ABCG4: variants seen among roughly 807,000 people sequenced by gnomAD.
ABCG4 encodes ATP binding cassette subfamily G member 4.
A neutral mutation model predicts 64.6 loss-of-function variants in ABCG4; 35 were observed. The ratio of observed to expected loss-of-function variants is 0.54; its 90% CI spans 0.41 to 0.72. The LOEUF is 0.72. ABCG4 is among the 30% of genes least tolerant of loss of function. The probability of loss-of-function intolerance (pLI) is 0.00; values close to 1 mark genes in which losing one functional copy is unlikely to be tolerated. For missense variants in ABCG4, 610 were observed against 846.3 expected, an observed-to-expected ratio of 0.72 and a Z score of 3.46; for synonymous variants, 326 against 348.2, an observed-to-expected ratio of 0.94 and a Z score of 0.71.
At chr11:119,159,237 A>G (rs1368556067) in intron 12 of ABCG4, among the ~76,000 whole-genome samples, 1 of 152,262 alleles carries the variant, frequency 6.6e-6, no homozygotes, top group Non-Finnish European at 1.5e-5. Flanking sequence ...CTGTAATCCC[A>G]GCACTTTGGG....
In ABCG4 at chr11:119,161,009, A is replaced by G; in HGVS notation, c.1844A>G (p.Lys615Arg). The change falls in exon 15 of 15, where the codon AAG (lysine) becomes AGG (arginine). Residue 615 changes from lysine to arginine, a missense_variant. Coordinates refer to ENST00000619701, the MANE Select transcript of ABCG4 (RefSeq NM_022169.5). ...CGAGCGCTGGATGTGGAGGATGCCA[A>G]GCTCTACATGGACTTCCTGGTCTTG... Reference protein sequence around the residue: ...ILRALDVEDAKLYMDFLVLGI... With the variant: ...ILRALDVEDARLYMDFLVLGI... 1 of 1,614,080 alleles carries G rather than the reference A, an allele frequency of 6.2e-7. No homozygotes were observed. The highest frequency in any genetic ancestry group is 8.5e-7 in the Non-Finnish European group (1 of 1,179,976).
intron 9 of ABCG4, among the ~76,000 whole-genome samples, chr11:119,157,257 A>G (rs999810936): frequency 4.6e-5 from 7 of 152,242 alleles, no homozygotes; most frequent in African/African-American, 1.4e-4. Flanking sequence ...TTGAGCAGCT[A>G]CAGTGTGCTG....
In ABCG4 at chr11:119,158,388, T is replaced by C; in HGVS notation, c.1167+56T>C. The C allele has an allele frequency of 1.3e-6, 2 of 1,589,874 alleles. No individual in the cohort carries two copies. The highest frequency in any genetic ancestry group is 1.7e-6 in the Non-Finnish European group (2 of 1,158,936). ...GGCACAGGCCTGACCTTTTGGGCTG[T>C]AGGATCCCAGCAGCTGAAATGGGAA... is the stretch of plus-strand genomic sequence containing the variant. On this transcript the variant is annotated intron_variant, in intron 10 of 14. Transcript: ENST00000619701. This position sits in a 1 kb window ranked among gnomAD's most constrained non-coding sequence, Gnocchi z 4.5.
In ABCG4 at chr11:119,160,935, G is replaced by A; in HGVS notation, c.1770G>A (p.Leu590=). The A allele has an allele frequency of 1.9e-6, 3 of 1,614,076 alleles. No homozygotes were observed. Among genetic ancestry groups the A allele is most frequent in the Middle Eastern group, 1.6e-4 (1 of 6,062 alleles). ...TCTATGGCATGGAGCGAGGAGACCT[G>A]ACATGTTTAGAGGAACGCTGCCCGT... is the stretch of plus-strand genomic sequence containing the variant. ...LTIYGMERGD[L]TCLEERCPFR... The change falls in exon 15 of 15, where the codon CTG becomes CTA. Residue 590 remains leucine, a synonymous_variant. Coordinates refer to ENST00000619701, the MANE Select transcript of ABCG4 (RefSeq NM_022169.5). The surrounding 1 kb of genome is among the most constrained non-coding windows in gnomAD (Gnocchi z 4.6).
Position 119,161,501 on chromosome 11 carries a change from C to A in ABCG4, c.*395C>A. 1 of 175,006 alleles carries A rather than the reference C, an allele frequency of 5.7e-6. No individual in the cohort carries two copies. Among genetic ancestry groups the A allele is most frequent in the East Asian group, 1.6e-4 (1 of 6,424 alleles). The allele number at this position is 175,006 out of a possible 1,614,324, so 10.8% of individuals were successfully genotyped here. Reference sequence around the variant, plus strand: ...CAAAGTGGCCCCCTCTGGGGGTCCCCACCACACAAGTGTTTGTAAACTGGG... The same window carrying A: ...CAAAGTGGCCCCCTCTGGGGGTCCCAACCACACAAGTGTTTGTAAACTGGG... On this transcript the variant is annotated 3_prime_UTR_variant, in exon 15 of 15. Coordinates refer to ENST00000619701, the MANE Select transcript of ABCG4 (RefSeq NM_022169.5).
At chr11:119,159,062 G>A in intron 12 of ABCG4, 133 bp downstream of exon 12, 2 of 845,806 alleles carry the variant, frequency 2.4e-6, no homozygotes, top group African/African-American at 1.7e-5. Context: ...AATAGATGGT[G>A]AGTACCTGTC....
rs867332222 is a variant in ABCG4, at chr11:119,160,612, C to T, written c.1671C>T (p.Thr557=). 6.2e-7 allele frequency: 1 copy of T among 1,613,636 alleles called. No individual in the cohort carries two copies. The highest frequency in any genetic ancestry group is 8.5e-7 in the Non-Finnish European group (1 of 1,179,954). ...CCGGCTTCTTTGTCAGCTTCAAGAC[C>T]ATCCCCACTTACCTGCAATGGAGCT... ...LFSGFFVSFK[T]IPTYLQWSSY... The change falls in exon 14 of 15, where the codon ACC becomes ACT. Residue 557 remains threonine (T), a synonymous_variant. Transcript: ENST00000619701. The surrounding 1 kb of genome is among the most constrained non-coding windows in gnomAD (Gnocchi z 4.6).
Position 119,154,159 on chromosome 11 carries a change from G to A in ABCG4, c.356+16G>A. 2 of 1,613,952 alleles carry A rather than the reference G, an allele frequency of 1.2e-6. No homozygotes were observed. Among genetic ancestry groups the A allele is most frequent in the Non-Finnish European group, 1.7e-6 (2 of 1,179,866 alleles). ...CAGGATACAGGTAAGGAAGAGACTG[G>A]GGTGGAATGGAGGCAGGACTCAGGA... On this transcript the variant is annotated intron_variant, in intron 3 of 14. Coordinates refer to ENST00000619701, the MANE Select transcript of ABCG4 (RefSeq NM_022169.5). This position sits in a 1 kb window ranked among gnomAD's most constrained non-coding sequence, Gnocchi z 7.0.
chr11:119,160,352 G>C lies in ABCG4; in HGVS notation c.1563G>C (p.Gly521=), dbSNP rs763058241. Residue 521 remains glycine (G), a synonymous_variant, in exon 13 of 15, where the codon GGG becomes GGC. Coordinates refer to ENST00000619701, the MANE Select transcript of ABCG4 (RefSeq NM_022169.5). This position sits in a 1 kb window ranked among gnomAD's most constrained non-coding sequence, Gnocchi z 4.6. ...CCGCCTTGGTGGCCCAATCTTTGGG[G>C]CTGCTGATCGGAGCTGCTTCCAACT... ...TATALVAQSL[G]LLIGAASNSL... 1 of 1,612,828 alleles carries C rather than the reference G, an allele frequency of 6.2e-7. No homozygotes were observed. The highest frequency in any genetic ancestry group is 8.5e-7 in the Non-Finnish European group (1 of 1,179,000).
intron 12 of ABCG4, among the ~76,000 whole-genome samples, chr11:119,159,837 C>A (rs1363612469): frequency 6.6e-6 from 1 of 152,050 alleles, no homozygotes; most frequent in African/African-American, 2.4e-5. Context: ...GATGACTGTA[C>A]TTAGTAAGCT....
Position 119,161,043 on chromosome 11 carries a change from C to T in ABCG4, c.1878C>T (p.Phe626=). The change falls in exon 15 of 15, where the codon TTC becomes TTT. Residue 626 remains phenylalanine, a synonymous_variant. Transcript: ENST00000619701. The stretch of plus-strand genomic sequence containing the variant: ...TGGACTTCCTGGTCTTGGGCATCTT[C>T]TTCCTAGCCCTGCGGCTGCTGGCCT... The part of the protein sequence containing the change: ...LYMDFLVLGI[F]FLALRLLAYL... 2 of 1,614,088 alleles carry T rather than the reference C, an allele frequency of 1.2e-6. No homozygotes were observed. The highest frequency in any genetic ancestry group is 1.7e-6 in the Non-Finnish European group (2 of 1,179,982).
rs1948246326 is a variant in ABCG4 at position 119,154,908 on chromosome 11, CCCACCAGGTAGTTCTCT to C, written c.685_686+15del. ...CCCGCCTGTCATGTTCTTTGATGAGCCCACCAGGTAGTTCTCTCCACCCTTTCCCACCAGGATACCCC... is the reference window on the plus strand; with the variant it reads ...CCCGCCTGTCATGTTCTTTGATGAGCCCACCCTTTCCCACCAGGATACCCC... On this transcript the variant is annotated splice_donor_variant and splice_donor_5th_base_variant and coding_sequence_variant and intron_variant, in exon 6 of 15. Transcript: ENST00000619701. LOFTEE classifies it high-confidence loss of function. This position sits in a 1 kb window ranked among gnomAD's most constrained non-coding sequence, Gnocchi z 7.0. 1 of 1,610,292 alleles carries C rather than the reference CCCACCAGGTAGTTCTCT, an allele frequency of 6.2e-7. No homozygotes were observed. The highest frequency in any genetic ancestry group is 8.5e-7 in the Non-Finnish European group (1 of 1,177,208).
rs377640178 is a variant in ABCG4 at position 119,160,506 on chromosome 11, A to G, written c.1597-32A>G. On this transcript the variant is annotated intron_variant, in intron 13 of 14. Transcript: ENST00000619701. The surrounding 1 kb of genome is among the most constrained non-coding windows in gnomAD (Gnocchi z 4.6). ...ACCTGGGTTTGTCCTGGTCACCCCT[A>G]TGATGGCCTGGCCCCCTCCCTTCCC... The G allele has an allele frequency of 1.9e-6, 3 of 1,607,672 alleles. No individual in the cohort carries two copies. The highest frequency in any genetic ancestry group is 1.7e-6 in the Non-Finnish European group (2 of 1,178,374).
Position 119,150,777 on chromosome 11 carries a change from C to G in ABCG4, c.238+574C>G, listed in dbSNP as rs918059895. ...AGTGGTAGAGCTGAGACCAGAAGCC[C>G]GGTTTCCCAGCTCTCCATGCATTGT... On this transcript the variant is annotated intron_variant, in intron 2 of 14. Transcript: ENST00000619701. The surrounding 1 kb of genome is among the most constrained non-coding windows in gnomAD (Gnocchi z 4.3). 6.6e-6 allele frequency among the ~76,000 whole-genome samples: 1 copy of G among 152,142 alleles called. No individual in the cohort carries two copies. Among genetic ancestry groups the G allele is most frequent in the Non-Finnish European group, 1.5e-5 (1 of 68,024 alleles).
Position 119,154,911 on chromosome 11 carries a change from A to G in ABCG4, c.682A>G (p.Thr228Ala), listed in dbSNP as rs1418335384. The change falls in exon 6 of 15, where the codon ACC becomes GCC. Residue 228 changes from threonine (T) to alanine (A), a missense_variant. Thr to Ala is a moderately conservative substitution (Grantham distance 58). Coordinates refer to ENST00000619701, the MANE Select transcript of ABCG4 (RefSeq NM_022169.5). This position sits in a 1 kb window ranked among gnomAD's most constrained non-coding sequence, Gnocchi z 7.0. ...NPPVMFFDEP[T>A]SGLDSASCFQ... ...GCCTGTCATGTTCTTTGATGAGCCC[A>G]CCAGGTAGTTCTCTCCACCCTTTCC... The G allele has an allele frequency of 1.2e-6, 2 of 1,609,530 alleles. No individual in the cohort carries two copies. The highest frequency in any genetic ancestry group is 1.7e-5 in the Admixed American group (1 of 59,890).
Position 119,162,595 on chromosome 11 carries a change from A to G in ABCG4, c.*1489A>G, listed in dbSNP as rs1425185146. The G allele has an allele frequency of 6.6e-6, 1 of 152,242 alleles. No individual in the cohort carries two copies. The highest frequency in any genetic ancestry group is 1.5e-5 in the Non-Finnish European group (1 of 68,062). 9.4% of individuals were successfully genotyped at this position (152,242 alleles called of 1,614,324 possible). A position where few individuals can be genotyped will look rare whatever the true frequency, so the allele number is the denominator to read the frequency against. On this transcript the variant is annotated 3_prime_UTR_variant, in exon 15 of 15. Coordinates refer to ENST00000619701, the MANE Select transcript of ABCG4 (RefSeq NM_022169.5). Reference sequence around the variant, plus strand: ...CACAGATTCTTCCTATCACACAGGGATGCCAGTTGTATTTGTGGGATTTCA... The same window carrying G: ...CACAGATTCTTCCTATCACACAGGGGTGCCAGTTGTATTTGTGGGATTTCA...
chr11:119,150,044 G>A lies in ABCG4; in HGVS notation c.79G>A (p.Gly27Arg). ...GGCCATGGCCGTGACGCTGGAGGACGGGGCGGAACCCCCTGTGCTGACCAC... is the reference window on the plus strand; with the variant it reads ...GGCCATGGCCGTGACGCTGGAGGACAGGGCGGAACCCCCTGTGCTGACCAC... ...AVAMAVTLED[G>R]AEPPVLTTHL... Residue 27 changes from glycine to arginine, a missense_variant, in exon 2 of 15, where the codon GGG (glycine) becomes AGG (arginine). Transcript: ENST00000619701. This position sits in a 1 kb window ranked among gnomAD's most constrained non-coding sequence, Gnocchi z 4.3. 5 of 1,613,748 alleles carry A rather than the reference G, an allele frequency of 3.1e-6. No homozygotes were observed. The highest frequency in any genetic ancestry group is 3.4e-6 in the Non-Finnish European group (4 of 1,180,010).
At position 119,161,200 on chromosome 11, in the gene ABCG4, G is replaced by T; in HGVS notation, c.*94G>T. The T allele has an allele frequency of 8.3e-7, 1 of 1,202,080 alleles. No individual in the cohort carries two copies. The allele number at this position is 1,202,080 out of a possible 1,614,324, so 74.5% of individuals were successfully genotyped here. A position where few individuals can be genotyped will look rare whatever the true frequency, so the allele number is the denominator to read the frequency against. On this transcript the variant is annotated 3_prime_UTR_variant, in exon 15 of 15. Transcript: ENST00000619701. Reference sequence around the variant, plus strand: ...TTTAACCTTATAGACTTGGGCACTGGTTCCTGGCGGGGCTATCCTCTCCTC... The same window carrying T: ...TTTAACCTTATAGACTTGGGCACTGTTTCCTGGCGGGGCTATCCTCTCCTC...
At chr11:119,152,231 C>G (rs1948201953) in intron 2 of ABCG4, among the ~76,000 whole-genome samples, 1 of 152,206 alleles carries the variant, frequency 6.6e-6, no homozygotes, top group Non-Finnish European at 1.5e-5. Context: ...CTGTGTGACC[C>G]TGGGTGAGTC....
Sources: gnomAD v4.1 joint callset for allele counts (sites outside exome capture counted in the v4.1 genomes callset) on GRCh38, gnomAD v4.1.1 for gene constraint, Gnocchi (gnomAD v3.1) non-coding constraint, MANE v1.5 for transcripts, NCBI Gene and HGNC (gene_info 2026-07-23, HGNC 2026-07-21) for gene names.